Variants in WDR17 observed in about 807,000 individuals in gnomAD.
WDR17 encodes WD repeat-containing protein 17.
In WDR17, 143 loss-of-function variants were observed where a neutral mutation model predicts 161.7. The ratio of observed to expected loss-of-function variants is 0.88; its 90% confidence interval spans 0.77 to 1.02. The LOEUF (loss-of-function observed/expected upper bound fraction) is 1.02. WDR17 is among the 50% of genes least tolerant of loss of function. The probability of loss-of-function intolerance (pLI) is 0.00; values close to 1 mark genes in which losing one functional copy is unlikely to be tolerated. For missense variants in WDR17, 1,469 were observed against 1,520.9 expected, an observed-to-expected ratio of 0.97 and a Z score of 0.57; for synonymous variants, 517 against 515.6, an observed-to-expected ratio of 1.00 and a Z score of -0.04.
intron 22 of WDR17, among the ~76,000 whole-genome samples, chr4:176,167,507 G>T (rs1749963852): frequency 6.7e-6 from 1 of 150,300 alleles, no homozygotes; most frequent in Non-Finnish European, 1.5e-5. Context: ...TTAGCCGGGC[G>T]AGGTGGCGGG....
At chr4:176,166,536 T>A (rs1749799633) in intron 22 of WDR17, among the ~76,000 whole-genome samples, 1 of 152,150 alleles carries the variant, frequency 6.6e-6, no homozygotes, top group Admixed American at 6.5e-5. Flanking sequence ...CAAAAAAGAG[T>A]GAATTTGATT....
In WDR17 at chr4:176,163,285, T is replaced by G; in HGVS notation, c.2982T>G (p.Ile994Met). ...TACTGGCGAGAAAGTGCATGATGAT[T>G]TCAGTATGGTAAGAATTTTGAAATT... ...LELLARKCMM[I>M]SVWNLAADLL... The change falls in exon 22 of 29, where the codon ATT (isoleucine) becomes ATG (methionine). Residue 994 changes from isoleucine (I) to methionine (M), a missense_variant. Transcript: ENST00000508596. 1 of 1,599,798 alleles carries G rather than the reference T, an allele frequency of 6.3e-7. No individual in the cohort carries two copies. The highest frequency in any genetic ancestry group is 8.5e-7 in the Non-Finnish European group (1 of 1,175,684).
rs1370402649 is a variant in WDR17 at position 176,181,385 on chromosome 4, T to G, written c.*1806T>G. The G allele has an allele frequency of 5.7e-6, 1 of 174,626 alleles. No homozygotes were observed. Among genetic ancestry groups the G allele is most frequent in the Non-Finnish European group, 1.2e-5 (1 of 85,908 alleles). The allele number at this position is 174,626 out of a possible 1,614,324, so 10.8% of individuals were successfully genotyped here. The stretch of plus-strand genomic sequence containing the variant: ...AGGAAGCTAAGGCAGGAGAATCGCT[T>G]GAATCCAGGAGGCGGAGGTTGCAGT... On this transcript the variant is annotated 3_prime_UTR_variant, in exon 29 of 29. Coordinates refer to ENST00000508596, the MANE Select transcript of WDR17 (RefSeq NM_181265.4).
intron 1 of WDR17, among the ~76,000 whole-genome samples, chr4:176,071,590 C>T (rs894294766): frequency 6.6e-6 from 1 of 152,196 alleles, no homozygotes; most frequent in Non-Finnish European, 1.5e-5. Flanking sequence ...GTTGGAATTA[C>T]AGGCGTGAGC....
In WDR17 at chr4:176,162,058, C is replaced by T; in HGVS notation, c.2751-17C>T. ...AATACTTGTGTTTATATAGAATACA[C>T]ATTTTTTTCTTTCTAGACTCCTGCA... On this transcript the variant is annotated splice_polypyrimidine_tract_variant and intron_variant, in intron 20 of 28. Coordinates refer to ENST00000508596, the MANE Select transcript of WDR17 (RefSeq NM_181265.4). The T allele has an allele frequency of 6.3e-6, 10 of 1,596,126 alleles. No individual in the cohort carries two copies. The highest frequency in any genetic ancestry group is 8.5e-6 in the Non-Finnish European group (10 of 1,170,982).
chr4:176,098,614 G>T (rs936388250), intron 1 of WDR17, among the ~76,000 whole-genome samples: 9 of 151,628 alleles, frequency 5.9e-5, no homozygotes, highest in Non-Finnish European at 1.0e-4. Flanking sequence ...TCATCTCCTT[G>T]GCAACTGTAG....
intron 1 of WDR17, among the ~76,000 whole-genome samples, chr4:176,081,323 C>T (rs1232114244): frequency 1.3e-5 from 2 of 152,078 alleles, no homozygotes; most frequent in Admixed American, 1.3e-4. Context: ...TCTGTCTCGC[C>T]TGTCTGTTCA....
chr4:176,074,016 A>T (rs1733615243), intron 1 of WDR17, among the ~76,000 whole-genome samples: 1 of 150,344 alleles, frequency 6.7e-6, no homozygotes, highest in Admixed American at 6.6e-5. Context: ...TTGTCAGATG[A>T]GTAGGTTGCA....
At chr4:176,104,232 A>G (rs761590616) in intron 1 of WDR17, among the ~76,000 whole-genome samples, 8 of 152,102 alleles carry the variant, frequency 5.3e-5, no homozygotes, top group Non-Finnish European at 1.2e-4. Context: ...GAGGGAGTTC[A>G]TTATCTTTAA....
At chr4:176,146,568 C>T (rs1423904319) in intron 12 of WDR17, among the ~76,000 whole-genome samples, 1 of 152,176 alleles carries the variant, frequency 6.6e-6, no homozygotes, top group South Asian at 2.1e-4. Context: ...GCCTCAGACA[C>T]TCATTTGCAG....
In WDR17 at chr4:176,180,461, C is replaced by T. The variant is rs1444297095; in HGVS notation, c.*882C>T. 6.6e-6 allele frequency: 1 copy of T among 152,264 alleles called. No individual in the cohort carries two copies. The highest frequency in any genetic ancestry group is 2.4e-5 in the African/African-American group (1 of 41,432). The allele number at this position is 152,264 out of a possible 1,614,324, so 9.4% of individuals were successfully genotyped here. A position where few individuals can be genotyped will look rare whatever the true frequency, so the allele number is the denominator to read the frequency against. On this transcript the variant is annotated 3_prime_UTR_variant, in exon 29 of 29. Coordinates refer to ENST00000508596, the MANE Select transcript of WDR17 (RefSeq NM_181265.4). ...CGGTGGCTCACACCTGTAATCTCAG[C>T]ACTTTGGCAGGCCAAGGCAGGTGGA...
chr4:176,143,227 CCCCAGTATTT>C (rs1386781279), intron 11 of WDR17, among the ~76,000 whole-genome samples: 2 of 152,198 alleles, frequency 1.3e-5, no homozygotes, highest in African/African-American at 4.8e-5. Flanking sequence ...ATCAGCTCAT[CCCCAGTATTT>C]CCCATCTCAG....
At chr4:176,128,605 GTAT>G (rs1742830631) in intron 5 of WDR17, 130 bp from the exon 6 acceptor site, 7 of 843,388 alleles carry the variant, frequency 8.3e-6, no homozygotes. Context: ...TTACTGTATG[GTAT>G]TGTTGTTAAA....
At chr4:176,136,108 G>A (rs1023460006) in intron 8 of WDR17, among the ~76,000 whole-genome samples, 1 of 151,572 alleles carries the variant, frequency 6.6e-6, no homozygotes, top group Non-Finnish European at 1.5e-5. Context: ...CTGTCAAAGA[G>A]TATCTTAGTA....
Position 176,169,808 on chromosome 4 carries a change from A to G in WDR17, c.3102+1025A>G, listed in dbSNP as rs535064741. 3.3e-5 allele frequency among the ~76,000 whole-genome samples: 5 copies of G among 152,318 alleles called. No individual in the cohort carries two copies. In the East Asian group the frequency reaches 9.6e-4, roughly 29 times the overall value. ...TTGAGACGCGGAAAATACTTGTGAAAGGATAAATGTCCGAAATTACCAGTG... is the reference window on the plus strand; with the variant it reads ...TTGAGACGCGGAAAATACTTGTGAAGGGATAAATGTCCGAAATTACCAGTG... On this transcript the variant is annotated intron_variant, in intron 23 of 28. Transcript: ENST00000508596.
At chr4:176,167,581 A>G (rs1749989111) in intron 22 of WDR17, among the ~76,000 whole-genome samples, 1 of 130,052 alleles carries the variant, frequency 7.7e-6, no homozygotes, top group Admixed American at 9.0e-5. Flanking sequence ...CAGGGGGCGG[A>G]GCCTGCAGTG....
intron 1 of WDR17, among the ~76,000 whole-genome samples, chr4:176,095,740 T>C (rs938696376): frequency 6.6e-6 from 1 of 152,120 alleles, no homozygotes; most frequent in African/African-American, 2.4e-5. Flanking sequence ...TCCTTCATTT[T>C]GTCTCTGTTG....
At chr4:176,121,679 A>G (rs1579105910) in intron 4 of WDR17, among the ~76,000 whole-genome samples, 1 of 152,010 alleles carries the variant, frequency 6.6e-6, no homozygotes, top group African/African-American at 2.4e-5. Flanking sequence ...CTTTATTATT[A>G]TTAGTCATCT....
chr4:176,155,545 G>GTTTTTTTTT lies in WDR17; in HGVS notation c.2461-526_2461-518dup, dbSNP rs869207103. On this transcript the variant is annotated intron_variant, in intron 17 of 28. Coordinates refer to ENST00000508596, the MANE Select transcript of WDR17 (RefSeq NM_181265.4). ...TTTGTTTTTTTGTTTATTTGTTTGTGTTTTTTTTTTTTTTTTGGAGACGAA... is the reference window on the plus strand; with the variant it reads ...TTTGTTTTTTTGTTTATTTGTTTGTGTTTTTTTTTTTTTTTTTTTTTTTTTGGAGACGAA... 3.8e-3 allele frequency among the ~76,000 whole-genome samples: 403 copies of GTTTTTTTTT among 105,184 alleles called. 16 individuals carry two copies. Among genetic ancestry groups the GTTTTTTTTT allele is most frequent in the African/African-American group, 0.015 (386 of 25,606 alleles). 69.0% of individuals were successfully genotyped at this position (105,184 alleles called of 152,430 possible). A position where few individuals can be genotyped will look rare whatever the true frequency, so the allele number is the denominator to read the frequency against.
Sources: allele counts gnomAD v4.1 joint callset (sites outside exome capture counted in the v4.1 genomes callset), GRCh38; gene constraint gnomAD v4.1.1; transcripts MANE v1.5; gene names NCBI Gene and HGNC (gene_info 2026-07-23, HGNC 2026-07-21).